Variants in SLC41A2 observed in about 807,000 individuals in gnomAD.
The protein encoded by SLC41A2 is solute carrier family 41 member 2, also known as SLC41A1-like 1.
Under a neutral mutation model 58.3 loss-of-function variants are expected in SLC41A2, and 32 were observed. The ratio of observed to expected loss-of-function variants is 0.55; its 90% CI spans 0.41 to 0.74. SLC41A2 has a LOEUF of 0.74. SLC41A2 is among the 30% of genes least tolerant of loss of function. SLC41A2 has a pLI of 0.00. For synonymous variants in SLC41A2, 190 were observed against 235.0 expected (o/e 0.81, Z 1.75); for missense variants, 514 against 680.6 (o/e 0.76, Z 2.72).
chr12:104,815,357 C>CCTCT, intron 10 of SLC41A2, among the ~76,000 whole-genome samples: 1 of 152,130 alleles, frequency 6.6e-6, no homozygotes, highest in Non-Finnish European at 1.5e-5. Flanking sequence ...ATATGCATAA[C>CCTCT]CTCTCTAGGT....
intron 8 of SLC41A2, among the ~76,000 whole-genome samples, chr12:104,856,911 C>G (rs1353655269): frequency 6.6e-6 from 1 of 152,022 alleles, no homozygotes; most frequent in Non-Finnish European, 1.5e-5. Context: ...AGATAAAAAC[C>G]TGGATCTACA....
intron 9 of SLC41A2, among the ~76,000 whole-genome samples, chr12:104,845,566 G>A (rs1475113652): frequency 6.6e-6 from 1 of 151,994 alleles, no homozygotes; most frequent in Non-Finnish European, 1.5e-5. Context: ...GAAATCACCT[G>A]GCAATTATTT....
chr12:104,811,589 T>G (rs965831918), intron 10 of SLC41A2, among the ~76,000 whole-genome samples: 1 of 152,236 alleles, frequency 6.6e-6, no homozygotes, highest in Non-Finnish European at 1.5e-5. Context: ...ATATATATGA[T>G]GCATTTTTAT....
At chr12:104,823,250 C>A (rs1433838285) in intron 10 of SLC41A2, among the ~76,000 whole-genome samples, 2 of 152,086 alleles carry the variant, frequency 1.3e-5, no homozygotes, top group African/African-American at 4.8e-5. Context: ...GTGGCAAAAG[C>A]ATCTACATTA....
rs1481445338 is a variant in SLC41A2, at chr12:104,895,289, G to C, written c.720C>G (p.Asn240Lys). 1 of 1,612,940 alleles carries C rather than the reference G, an allele frequency of 6.2e-7. No individual in the cohort carries two copies. Among genetic ancestry groups the C allele is most frequent in the Admixed American group, 1.7e-5 (1 of 59,986 alleles). ...PIEKWNLIIGNLALKQVQATV... is the reference protein window; with the variant it reads ...PIEKWNLIIGKLALKQVQATV... Reference sequence around the variant, plus strand: ...TACCACTTACCTGCTTTAAAGCCAAGTTGCCAATTATTAGGTTCCACTTTT... The same window carrying C: ...TACCACTTACCTGCTTTAAAGCCAACTTGCCAATTATTAGGTTCCACTTTT... Residue 240 changes from asparagine to lysine, a missense_variant, in exon 4 of 11, where the codon AAC becomes AAG. Physicochemically the swap from Asn to Lys is moderately conservative, Grantham distance 94. This residue lies in a region of SLC41A2 where 336 missense variants were observed against 430.0 expected (regional missense o/e 0.78). Transcript: ENST00000258538.
At chr12:104,844,918 GTTTTAA>G (rs2136332831) in intron 9 of SLC41A2, among the ~76,000 whole-genome samples, 1 of 151,994 alleles carries the variant, frequency 6.6e-6, no homozygotes, top group East Asian at 1.9e-4. Flanking sequence ...GTACAAGAAT[GTTTTAA>G]TTTTATTAAT....
chr12:104,810,926 A>T (rs548507689), intron 10 of SLC41A2, among the ~76,000 whole-genome samples: 2 of 152,330 alleles, frequency 1.3e-5, no homozygotes, highest in South Asian at 4.1e-4. Context: ...TTTTAGTAAA[A>T]ATAGAACTTT....
chr12:104,931,733 T>TTC (rs1285636084), intron 1 of SLC41A2: 1 of 152,260 alleles, frequency 6.6e-6, no homozygotes, highest in Non-Finnish European at 1.5e-5. Context: ...ACAAAGCTCC[T>TTC]TCTACCACCA....
intron 7 of SLC41A2, among the ~76,000 whole-genome samples, chr12:104,865,599 A>G (rs1027314466): frequency 3.3e-5 from 5 of 151,986 alleles, no homozygotes; most frequent in Admixed American, 6.6e-5. Context: ...TCTGATTCCT[A>G]TCTTCCTAAT....
chr12:104,842,483 A>G lies in SLC41A2; in HGVS notation c.1536+1989T>C, dbSNP rs547358321. ...GCTGTCCTTCTGAAATCAATGACAC[A>G]CCATTTATAATACTATCTTTAATAA... is the stretch of plus-strand genomic sequence containing the variant. On this transcript the variant is annotated intron_variant, in intron 10 of 10. Coordinates refer to ENST00000258538, the MANE Select transcript of SLC41A2 (RefSeq NM_001352171.3). Among the ~76,000 whole-genome samples, 6 of 152,250 alleles carry G rather than the reference A, an allele frequency of 3.9e-5. No homozygotes were observed. In the South Asian group the frequency reaches 1.2e-3, roughly 32 times the overall value.
intron 6 of SLC41A2, among the ~76,000 whole-genome samples, chr12:104,874,179 T>C (rs370948455): frequency 1.3e-5 from 2 of 149,278 alleles, no homozygotes; most frequent in Non-Finnish European, 3.0e-5. Flanking sequence ...GTTCACACCA[T>C]TCTCCTGCCT....
intron 4 of SLC41A2, among the ~76,000 whole-genome samples, chr12:104,893,066 C>T (rs2045095807): frequency 6.6e-6 from 1 of 152,058 alleles, no homozygotes; most frequent in South Asian, 2.1e-4. Context: ...AAAGAGACAA[C>T]CCACAGAATG....
intron 10 of SLC41A2, among the ~76,000 whole-genome samples, chr12:104,832,479 C>G (rs2042071852): frequency 6.6e-6 from 1 of 152,140 alleles, no homozygotes; most frequent in East Asian, 1.9e-4. Flanking sequence ...ATCAACAGGA[C>G]AGTCAATTGG....
intron 4 of SLC41A2, among the ~76,000 whole-genome samples, chr12:104,893,114 T>A (rs2045099397): frequency 1.3e-5 from 2 of 152,032 alleles, no homozygotes; most frequent in Non-Finnish European, 2.9e-5. Flanking sequence ...TGGCAAAGGA[T>A]TCATAACCAG....
At chr12:104,843,625 AT>A (rs767559354) in intron 10 of SLC41A2, among the ~76,000 whole-genome samples, 2 of 152,126 alleles carry the variant, frequency 1.3e-5, no homozygotes, top group Non-Finnish European at 2.9e-5. Flanking sequence ...TCAGTATAAA[AT>A]ATTTGGTATA....
At chr12:104,942,798 T>A (rs997783100) in intron 1 of SLC41A2, among the ~76,000 whole-genome samples, 1 of 152,192 alleles carries the variant, frequency 6.6e-6, no homozygotes, top group Non-Finnish European at 1.5e-5. Context: ...TATTTATGTT[T>A]TATTCTTACG....
chr12:104,892,614 A>G (rs1481270822), intron 4 of SLC41A2, among the ~76,000 whole-genome samples: 1 of 152,226 alleles, frequency 6.6e-6, no homozygotes, highest in East Asian at 1.9e-4. Context: ...AAATTATGCT[A>G]CAGAGCTATA....
chr12:104,815,254 T>C (rs1165797013), intron 10 of SLC41A2, among the ~76,000 whole-genome samples: 4 of 152,228 alleles, frequency 2.6e-5, no homozygotes, highest in South Asian at 2.1e-4. Context: ...AGCTGAATGA[T>C]AATTTAAGGA....
At chr12:104,898,824 C>T (rs905191007) in intron 3 of SLC41A2, among the ~76,000 whole-genome samples, 3 of 152,108 alleles carry the variant, frequency 2.0e-5, no homozygotes, top group African/African-American at 4.8e-5. Context: ...GGGTCAAAGA[C>T]GTTAACAGAC....
Sources: allele counts gnomAD v4.1 joint callset (sites outside exome capture counted in the v4.1 genomes callset), GRCh38; gene constraint gnomAD v4.1.1; regional missense constraint gnomAD v4.1.1; transcripts MANE v1.5; gene names NCBI Gene and HGNC (gene_info 2026-07-23, HGNC 2026-07-21).